NLRP7: variants seen among roughly 807,000 people sequenced by gnomAD.
NLRP7 encodes the protein NACHT, LRR and PYD domains-containing protein 7.
A neutral mutation model predicts 85.5 loss-of-function variants in NLRP7; 72 were observed. That is an observed-to-expected ratio of 0.84 (90% CI 0.70 to 1.02). NLRP7 has a LOEUF of 1.02. Among genes scored for constraint, NLRP7 ranks in the 50% least tolerant of loss-of-function variants. The pLI is 0.00. For synonymous variants in NLRP7, 550 were observed against 505.2 expected (o/e 1.09, Z -1.19); for missense variants, 1,243 against 1,219.5 (o/e 1.02, Z -0.29).
chr19:54,944,951 G>A (rs1187554714), intron 1 of NLRP7, among the ~76,000 whole-genome samples: 1 of 151,858 alleles, frequency 6.6e-6, no homozygotes, highest in Non-Finnish European at 1.5e-5. Context: ...AAAATTCAGG[G>A]TTTTTTGGCC....
At position 54,936,127 on chromosome 19, in the gene NLRP7, C is replaced by T. The variant is rs1482002283; in HGVS notation, c.2300+134G>A. On this transcript the variant is annotated intron_variant, in intron 6 of 9. Coordinates refer to ENST00000340844, the Ensembl canonical transcript of NLRP7. ...GGGAAAGAGGAGAGGCCGACTCCCCCACACAGGCCTGTTTGAGGAATACAT... is the reference window on the plus strand; with the variant it reads ...GGGAAAGAGGAGAGGCCGACTCCCCTACACAGGCCTGTTTGAGGAATACAT... 7.7e-6 allele frequency: 6 copies of T among 778,650 alleles called. No homozygotes were observed. In the South Asian group the frequency reaches 8.8e-5, roughly 11 times the overall value. 48.2% of individuals were successfully genotyped at this position (778,650 alleles called of 1,614,324 possible).
chr19:54,943,383 C>CCT (rs2069319336), intron 1 of NLRP7, among the ~76,000 whole-genome samples: 1 of 151,996 alleles, frequency 6.6e-6, no homozygotes, highest in South Asian at 2.1e-4. Context: ...AGGCGGATCA[C>CCT]GAGGTCAGGA....
chr19:54,955,254 G>C (rs993662939), intron 1 of NLRP7, among the ~76,000 whole-genome samples: 20 of 150,474 alleles, frequency 1.3e-4, no homozygotes, highest in Non-Finnish European at 1.0e-4. Context: ...ACTTGAACCC[G>C]GGTGGCAGAG....
chr19:54,941,818 G>T, intron 1 of NLRP7, 68 bp from the exon 2 acceptor site: 1 of 1,186,506 alleles, frequency 8.4e-7, no homozygotes. Flanking sequence ...TTTCCTGTGT[G>T]CCAAGAACAA....
rs1734773209 is a variant in NLRP7 at position 54,934,276 on chromosome 19, C to T, written c.2471+213G>A. On this transcript the variant is annotated intron_variant, in intron 7 of 9. Transcript: ENST00000340844. The surrounding 1 kb of genome is among the most constrained non-coding windows in gnomAD (Gnocchi z 6.7). ...ATTTTTAATAGAAACAGGGTTTCAC[C>T]ATGTTGGCCAGGTTGGTCTCGAACT... Among the ~76,000 whole-genome samples, 1 of 152,114 alleles carries T rather than the reference C, an allele frequency of 6.6e-6. No individual in the cohort carries two copies. The highest frequency in any genetic ancestry group is 2.4e-5 in the African/African-American group (1 of 41,420).
rs548639584 is a variant in NLRP7, at chr19:54,934,751, C to T, written c.2301-92G>A. 1.3e-5 allele frequency: 14 copies of T among 1,100,516 alleles called. No homozygotes were observed. The South Asian group carries it at 1.9e-4, about 15-fold the overall frequency. 68.2% of individuals were successfully genotyped at this position (1,100,516 alleles called of 1,614,324 possible). A position where few individuals can be genotyped will look rare whatever the true frequency, so the allele number is the denominator to read the frequency against. ...TTGAGACAGAGTTTCACTCTGTTGC[C>T]CAGTCTGGAATGCAAAGGCGTGATC... On this transcript the variant is annotated intron_variant, in intron 6 of 9. Transcript: ENST00000340844. The surrounding 1 kb of genome is among the most constrained non-coding windows in gnomAD (Gnocchi z 6.7).
chr19:54,927,109 C>T (rs1288933608), intron 9 of NLRP7, among the ~76,000 whole-genome samples: 2 of 145,168 alleles, frequency 1.4e-5, no homozygotes, highest in Non-Finnish European at 3.0e-5. Flanking sequence ...ACCAAAAAGG[C>T]CGGGTGCAAT....
At position 54,939,879 on chromosome 19, in the gene NLRP7, G is replaced by C. The variant is rs781685064; in HGVS notation, c.940C>G (p.Gln314Glu). 4 of 1,614,010 alleles carry C rather than the reference G, an allele frequency of 2.5e-6. No homozygotes were observed. The South Asian group carries it at 3.3e-5, about 13-fold the overall frequency. ...TCCACCCTTACGTAGATCGGCTGCT[G>C]CGCCAGGAGCTGGAGGTCCCTCAGT... The change falls in exon 4 of 10, where the codon CAG becomes GAG. Residue 314 changes from glutamine to glutamate, a missense_variant. Physicochemically the swap from Gln to Glu is conservative, Grantham distance 29. Transcript: ENST00000340844.
At chr19:54,942,964 T>A (rs2146236735) in intron 1 of NLRP7, among the ~76,000 whole-genome samples, 2 of 149,956 alleles carry the variant, frequency 1.3e-5, no homozygotes, top group East Asian at 4.1e-4. Context: ...CTGGCCCACA[T>A]GGTGAAACCC....
Position 54,940,050 on chromosome 19 carries a change from C to A in NLRP7, c.769G>T (p.Glu257Ter). 4 of 1,614,200 alleles carry A rather than the reference C, an allele frequency of 2.5e-6. No homozygotes were observed. The highest frequency in any genetic ancestry group is 3.4e-6 in the Non-Finnish European group (4 of 1,180,036). ...AGCGCCCCAGGTGGGACTTTCAGCT[C>A]ATCAAGGCCATCGACCACGAACAGG... Residue 257 changes from glutamate to a stop codon, truncating the protein, a stop_gained, in exon 4 of 10, where the codon GAG becomes TAG. Transcript: ENST00000340844. LOFTEE classifies it high-confidence loss of function.
rs1417048003 is a variant in NLRP7 at position 54,934,346 on chromosome 19, C to G, written c.2471+143G>C. On this transcript the variant is annotated intron_variant, in intron 7 of 9. Coordinates refer to ENST00000340844, the Ensembl canonical transcript of NLRP7. This position sits in a 1 kb window ranked among gnomAD's most constrained non-coding sequence, Gnocchi z 6.7. ...CCCACCTCTCTGCTGAGATTACAGGCAGGAGCCACCGTGCCGGGCCTGAAG... is the reference window on the plus strand; with the variant it reads ...CCCACCTCTCTGCTGAGATTACAGGGAGGAGCCACCGTGCCGGGCCTGAAG... 1 of 839,762 alleles carries G rather than the reference C, an allele frequency of 1.2e-6. No individual in the cohort carries two copies. The highest frequency in any genetic ancestry group is 2.1e-6 in the Non-Finnish European group (1 of 482,578). The allele number at this position is 839,762 out of a possible 1,614,324, so 52.0% of individuals were successfully genotyped here.
At chr19:54,926,002 C>CA (rs1324070479) in intron 9 of NLRP7, among the ~76,000 whole-genome samples, 9 of 126,680 alleles carry the variant, frequency 7.1e-5, no homozygotes, top group African/African-American at 2.1e-4. Flanking sequence ...GTCTCTGTCT[C>CA]AAAAAAAAGA....
upstream of NLRP7, chr19:54,947,577 C>A: frequency 1.6e-6 from 2 of 1,289,722 alleles, no homozygotes; most frequent in Non-Finnish European, 2.0e-6. Flanking sequence ...AGCTTTCCCG[C>A]CCAGGGTGGA....
intron 1 of NLRP7, among the ~76,000 whole-genome samples, chr19:54,946,277 T>A (rs142307485): frequency 0.011 from 1,665 of 150,654 alleles, 32 homozygotes; most frequent in African/African-American, 0.035. Context: ...AGTGGCGCAA[T>A]CTCAGCTCAC....
At chr19:54,925,948 C>T (rs963713814) in intron 9 of NLRP7, among the ~76,000 whole-genome samples, 43 of 151,108 alleles carry the variant, frequency 2.8e-4, no homozygotes, top group African/African-American at 1.0e-3. Flanking sequence ...TGCAGTGAGC[C>T]GAGATCGCAC....
chr19:54,959,370 C>G (rs1238709577), intron 1 of NLRP7, among the ~76,000 whole-genome samples: 1 of 151,222 alleles, frequency 6.6e-6, no homozygotes, highest in Non-Finnish European at 1.5e-5. Context: ...AACTCCTGAC[C>G]TTGTGATCCA....
At chr19:54,952,314 C>T (rs750399191), upstream of NLRP7, among the ~76,000 whole-genome samples, 1 of 151,716 alleles carries the variant, frequency 6.6e-6, no homozygotes, top group African/African-American at 2.4e-5. Context: ...TAGCCCCGGC[C>T]GGGTGCAGAG....
At chr19:54,963,738 C>T (rs1423916474) in intron 1 of NLRP7, among the ~76,000 whole-genome samples, 1 of 149,952 alleles carries the variant, frequency 6.7e-6, no homozygotes, top group Non-Finnish European at 1.5e-5. Flanking sequence ...GCAGGAGAAT[C>T]GCTTGAACTC....
intron 9 of NLRP7, chr19:54,927,662 C>T: frequency 1.2e-6 from 2 of 1,614,110 alleles, no homozygotes; most frequent in Non-Finnish European, 1.7e-6. Flanking sequence ...CTTAATTATG[C>T]CACTCTTCCA....
Sources: allele counts gnomAD v4.1 joint callset (sites outside exome capture counted in the v4.1 genomes callset), GRCh38; gene constraint gnomAD v4.1.1; non-coding constraint Gnocchi (gnomAD v3.1); transcripts MANE v1.5; gene names NCBI Gene and HGNC (gene_info 2026-07-23, HGNC 2026-07-21).